Variants in CCL5 observed in about 807,000 individuals in gnomAD.
CCL5 encodes C-C motif chemokine ligand 5.
CCL5 carries 5 observed loss-of-function variants against 9.0 expected under a neutral mutation model. The observed-to-expected ratio is 0.55, with a 90% CI of 0.29 to 1.16. The LOEUF is 1.16. Among genes scored for constraint, CCL5 ranks in the 50% most tolerant of loss-of-function variants. The pLI is 0.08. For missense variants in CCL5, 183 were observed against 183.2 expected, an observed-to-expected ratio of 1.00 and a Z score of 0.01; for synonymous variants, 66 against 72.0, an observed-to-expected ratio of 0.92 and a Z score of 0.42.
intron 3 of CCL5, among the ~76,000 whole-genome samples, chr17:35,874,072 C>G (rs892468512): frequency 4.6e-5 from 7 of 152,172 alleles, no homozygotes; most frequent in Non-Finnish European, 1.0e-4. Flanking sequence ...GACCTTGGGC[C>G]TTGCTAGCAG....
rs1173537047 is a variant in CCL5 at position 35,871,647 on chromosome 17, T to A, written c.*623A>T. The A allele has an allele frequency of 6.6e-6, 1 of 152,294 alleles. No individual in the cohort carries two copies. Among genetic ancestry groups the A allele is most frequent in the African/African-American group, 2.4e-5 (1 of 41,468 alleles). 9.4% of individuals were successfully genotyped at this position (152,294 alleles called of 1,614,324 possible). On this transcript the variant is annotated 3_prime_UTR_variant, in exon 4 of 4. Transcript: ENST00000651122. ...GACTTCCTTCCTGGTCACAGAGCCCTGGCAAAGCCAAGGCAAAGCCAGAGC... is the reference window on the plus strand; with the variant it reads ...GACTTCCTTCCTGGTCACAGAGCCCAGGCAAAGCCAAGGCAAAGCCAGAGC...
rs1223045202 is a variant in CCL5 at position 35,878,739 on chromosome 17, TATCTTCCTTGAC to T, written c.77-112_77-101del. Reference sequence around the variant, plus strand: ...ATATGATTTATTTAGAAAGAACTGTTATCTTCCTTGACAGAAACTGAGGCTCAGAGAGGTAAA... The same window carrying T: ...ATATGATTTATTTAGAAAGAACTGTTAGAAACTGAGGCTCAGAGAGGTAAA... On this transcript the variant is annotated intron_variant, in intron 1 of 3. Coordinates refer to ENST00000651122, the MANE Select transcript of CCL5 (RefSeq NM_001278736.2). 30 of 716,626 alleles carry T rather than the reference TATCTTCCTTGAC, an allele frequency of 4.2e-5. No homozygotes were observed. The African/African-American group carries it at 4.3e-4, about 10-fold the overall frequency. The allele number at this position is 716,626 out of a possible 1,614,324, so 44.4% of individuals were successfully genotyped here.
chr17:35,876,439 G>A (rs2088442058), intron 2 of CCL5, among the ~76,000 whole-genome samples: 1 of 152,154 alleles, frequency 6.6e-6, no homozygotes, highest in Non-Finnish European at 1.5e-5. Context: ...GCTTAAGATG[G>A]TTCTACACTT....
At chr17:35,876,609 G>A (rs1171931778) in intron 2 of CCL5, among the ~76,000 whole-genome samples, 4 of 152,176 alleles carry the variant, frequency 2.6e-5, no homozygotes, top group African/African-American at 9.7e-5. Flanking sequence ...TTCAGGCACT[G>A]TTCAGCCTCC....
At chr17:35,877,780 T>C (rs750100585) in intron 2 of CCL5, among the ~76,000 whole-genome samples, 2 of 152,218 alleles carry the variant, frequency 1.3e-5, no homozygotes, top group Non-Finnish European at 2.9e-5. Context: ...GATGGATGGC[T>C]TTTTGTTTTT....
At chr17:35,879,618 G>A (rs556925222) in intron 1 of CCL5, among the ~76,000 whole-genome samples, 1 of 123,998 alleles carries the variant, frequency 8.1e-6, no homozygotes, top group East Asian at 2.5e-4. Context: ...CTGGGCGACA[G>A]AGCGAAGACT....
chr17:35,879,945 C>T (rs2088494355), intron 1 of CCL5, among the ~76,000 whole-genome samples: 1 of 152,106 alleles, frequency 6.6e-6, no homozygotes, highest in Non-Finnish European at 1.5e-5. Context: ...ACTAATCTCC[C>T]CAACATGAGT....
chr17:35,872,277 G>T lies in CCL5; in HGVS notation c.458C>A (p.Ala153Asp). ...TGGTAGAATCTGGGCCCTTCAAGGA[G>T]CGGGTGGGGTAGGATAGTGAGGGGA... The change falls in exon 4 of 4, where the codon GCT becomes GAT. Residue 153 changes from alanine to aspartate, a missense_variant. Coordinates refer to ENST00000651122, the MANE Select transcript of CCL5 (RefSeq NM_001278736.2). The T allele has an allele frequency of 6.4e-7, 1 of 1,563,670 alleles. No individual in the cohort carries two copies.
intron 2 of CCL5, among the ~76,000 whole-genome samples, chr17:35,877,524 G>A (rs916906678): frequency 3.9e-5 from 6 of 152,192 alleles, no homozygotes; most frequent in Non-Finnish European, 1.5e-5. Context: ...CTCTAGAGAT[G>A]GACTTCATCC....
chr17:35,879,726 CTTGTTTTTAT>C (rs1185386006), intron 1 of CCL5, among the ~76,000 whole-genome samples: 2 of 151,752 alleles, frequency 1.3e-5, no homozygotes, highest in Non-Finnish European at 2.9e-5. Flanking sequence ...TTATCCTCTC[CTTGTTTTTAT>C]TTGTTTTTTA....
At chr17:35,873,575 G>T (rs1305497969) in intron 3 of CCL5, among the ~76,000 whole-genome samples, 1 of 152,198 alleles carries the variant, frequency 6.6e-6, no homozygotes, top group East Asian at 1.9e-4. Context: ...GCATGGGTGG[G>T]TGAACGAAAG....
rs2088380988 is a variant in CCL5, at chr17:35,872,373, C to T, written c.362G>A (p.Trp121Ter). ...TGTAAGTTCAGGTTCAAGGACTCTC[C>T]ATCCTAGCTCATCTCCAAAGAGTTG... The change falls in exon 4 of 4, where the codon TGG (tryptophan) becomes TAG (stop). Residue 121 changes from tryptophan (W) to a stop codon, truncating the protein, a stop_gained. Coordinates refer to ENST00000651122, the MANE Select transcript of CCL5 (RefSeq NM_001278736.2). LOFTEE classifies it low-confidence loss of function (END_TRUNC). 6.2e-7 allele frequency: 1 copy of T among 1,613,438 alleles called. No homozygotes were observed.
At chr17:35,879,324 G>T (rs2144035138) in intron 1 of CCL5, among the ~76,000 whole-genome samples, 1 of 152,254 alleles carries the variant, frequency 6.6e-6, no homozygotes, top group Non-Finnish European at 1.5e-5. Flanking sequence ...AAGAAGGGTT[G>T]TGGGTATTAA....
chr17:35,876,396 A>G (rs768470999), intron 2 of CCL5, among the ~76,000 whole-genome samples: 27 of 152,100 alleles, frequency 1.8e-4, no homozygotes, highest in Non-Finnish European at 3.4e-4. Flanking sequence ...CTGGCACCTT[A>G]GCTCTTTCCT....
chr17:35,876,064 C>G (rs2088438012), intron 2 of CCL5, among the ~76,000 whole-genome samples: 1 of 152,004 alleles, frequency 6.6e-6, no homozygotes, highest in Non-Finnish European at 1.5e-5. Context: ...TACTGTGTAC[C>G]AGAGCATATT....
chr17:35,876,736 T>A (rs1408227975), intron 2 of CCL5, among the ~76,000 whole-genome samples: 1 of 152,210 alleles, frequency 6.6e-6, no homozygotes, highest in African/African-American at 2.4e-5. Context: ...TTGCTGCATT[T>A]TCCTGACACT....
intron 3 of CCL5, among the ~76,000 whole-genome samples, chr17:35,875,367 T>C (rs2088429188): frequency 6.6e-6 from 1 of 152,212 alleles, no homozygotes; most frequent in South Asian, 2.1e-4. Flanking sequence ...TTAGATTGTC[T>C]GGTGAGAATG....
chr17:35,874,926 T>G (rs951079793), intron 3 of CCL5, among the ~76,000 whole-genome samples: 1 of 152,130 alleles, frequency 6.6e-6, no homozygotes, highest in African/African-American at 2.4e-5. Flanking sequence ...GTTTATTTTT[T>G]AAATCTTATT....
At chr17:35,877,602 A>G (rs1331570126) in intron 2 of CCL5, among the ~76,000 whole-genome samples, 1 of 152,242 alleles carries the variant, frequency 6.6e-6, no homozygotes, top group African/African-American at 2.4e-5. Flanking sequence ...TACCTGAAAC[A>G]TGGAGAGAAT....
Sources: allele counts gnomAD v4.1 joint callset (sites outside exome capture counted in the v4.1 genomes callset), GRCh38; gene constraint gnomAD v4.1.1; transcripts MANE v1.5; gene names NCBI Gene and HGNC (gene_info 2026-07-23, HGNC 2026-07-21).